FUT8: variants seen among roughly 807,000 people sequenced by gnomAD.
FUT8 encodes alpha-(1,6)-fucosyltransferase.
In FUT8, 29 loss-of-function variants were observed where a neutral mutation model predicts 71.3. The observed-to-expected ratio is 0.41, with a 90% CI of 0.30 to 0.55. The LOEUF (loss-of-function observed/expected upper bound fraction) is 0.55. FUT8 is among the 20% of genes least tolerant of loss of function. The probability of loss-of-function intolerance (pLI) is 0.34; values close to 1 mark genes in which losing one functional copy is unlikely to be tolerated. For synonymous variants in FUT8, 254 were observed against 239.3 expected, an observed-to-expected ratio of 1.06 and a Z score of -0.57; for missense variants, 544 against 702.1, an observed-to-expected ratio of 0.77 and a Z score of 2.55.
At chr14:65,452,331 G>A (rs1340370666) in intron 1 of FUT8, among the ~76,000 whole-genome samples, 2 of 152,152 alleles carry the variant, frequency 1.3e-5, no homozygotes, top group African/African-American at 2.4e-5. Flanking sequence ...TAAAGAATGG[G>A]ACGAAATAAT....
At chr14:65,524,394 GA>G (rs1394543873) in intron 2 of FUT8, among the ~76,000 whole-genome samples, 1 of 152,180 alleles carries the variant, frequency 6.6e-6, no homozygotes, top group Non-Finnish European at 1.5e-5. Context: ...TGGTGTGTAA[GA>G]ATGCTTGTGA....
intron 8 of FUT8, among the ~76,000 whole-genome samples, 163 bp from the exon 9 acceptor site, chr14:65,723,984 G>A (rs1323824608): frequency 6.6e-6 from 1 of 152,036 alleles, no homozygotes; most frequent in Non-Finnish European, 1.5e-5. Flanking sequence ...ATGTATTTTT[G>A]AGTTTTTAAA....
At chr14:65,431,903 A>G (rs74056767) in intron 1 of FUT8, among the ~76,000 whole-genome samples, 2,977 of 152,224 alleles carry the variant, frequency 0.02, 88 homozygotes, top group East Asian at 0.13. Flanking sequence ...TAATGGCTTA[A>G]ACAAAAACCT....
chr14:65,692,394 GC>G (rs1893680089), intron 7 of FUT8, among the ~76,000 whole-genome samples: 1 of 146,812 alleles, frequency 6.8e-6, no homozygotes, highest in African/African-American at 2.5e-5. Context: ...GGGGCGGCTG[GC>G]CGGGCGGGGG....
At chr14:65,658,075 A>G (rs555556532) in intron 6 of FUT8, among the ~76,000 whole-genome samples, 1 of 152,294 alleles carries the variant, frequency 6.6e-6, no homozygotes, top group South Asian at 2.1e-4. Flanking sequence ...TGTCCAACGA[A>G]GGCATGTATA....
intron 2 of FUT8, among the ~76,000 whole-genome samples, chr14:65,523,826 A>T (rs1883254304): frequency 6.6e-6 from 1 of 152,238 alleles, no homozygotes; most frequent in Non-Finnish European, 1.5e-5. Flanking sequence ...TTTATTAAAT[A>T]GGGAATCCTT....
chr14:65,461,230 A>G (rs2065964494), intron 2 of FUT8, among the ~76,000 whole-genome samples: 1 of 151,910 alleles, frequency 6.6e-6, no homozygotes, highest in African/African-American at 2.4e-5. Context: ...TGGTAGCATA[A>G]CTCCAATCTC....
chr14:65,438,186 G>A (rs777206339), intron 1 of FUT8, among the ~76,000 whole-genome samples: 1 of 152,136 alleles, frequency 6.6e-6, no homozygotes, highest in Non-Finnish European at 1.5e-5. Context: ...TGTAGCTTGA[G>A]ATTAGAGAAG....
At chr14:65,692,669 A>G (rs1893729238) in intron 7 of FUT8, among the ~76,000 whole-genome samples, 1 of 148,744 alleles carries the variant, frequency 6.7e-6, no homozygotes, top group Non-Finnish European at 1.5e-5. Flanking sequence ...CACTTCCCAG[A>G]TGGGGTGGCT....
intron 7 of FUT8, among the ~76,000 whole-genome samples, chr14:65,719,178 C>T (rs1189100012): frequency 6.6e-6 from 1 of 151,972 alleles, no homozygotes; most frequent in Admixed American, 6.6e-5. Context: ...TCTCTGTTGA[C>T]AGTGTATTTT....
At chr14:65,541,154 A>AT (rs1165295385) in intron 2 of FUT8, among the ~76,000 whole-genome samples, 1 of 152,232 alleles carries the variant, frequency 6.6e-6, no homozygotes, top group East Asian at 1.9e-4. Context: ...GTTAGAAAAC[A>AT]TTAGCTATTT....
intron 7 of FUT8, among the ~76,000 whole-genome samples, chr14:65,717,798 C>CA (rs1895202015): frequency 6.6e-6 from 1 of 152,238 alleles, no homozygotes; most frequent in African/African-American, 2.4e-5. Flanking sequence ...GGCGGCCAGG[C>CA]AGAGGCGCTC....
At chr14:65,703,482 A>G (rs950881334) in intron 7 of FUT8, among the ~76,000 whole-genome samples, 2 of 152,220 alleles carry the variant, frequency 1.3e-5, no homozygotes, top group Non-Finnish European at 2.9e-5. Context: ...CAGAAGCTAT[A>G]GATTGTAAAG....
intron 5 of FUT8, among the ~76,000 whole-genome samples, chr14:65,623,491 G>T (rs1236925182): frequency 6.6e-6 from 1 of 152,060 alleles, no homozygotes; most frequent in East Asian, 1.9e-4. Flanking sequence ...GACCGAGGAG[G>T]GTGGATCACA....
intron 9 of FUT8, among the ~76,000 whole-genome samples, chr14:65,731,687 G>T (rs1354689233): frequency 6.6e-6 from 1 of 152,088 alleles, no homozygotes; most frequent in Non-Finnish European, 1.5e-5. Context: ...TAATGGTAGG[G>T]TTTCACTGTG....
chr14:65,705,989 C>T (rs1000971222), intron 7 of FUT8, among the ~76,000 whole-genome samples: 1 of 152,088 alleles, frequency 6.6e-6, no homozygotes, highest in African/African-American at 2.4e-5. Flanking sequence ...CTATAGCTGG[C>T]TTATTGAGAA....
intron 1 of FUT8, among the ~76,000 whole-genome samples, chr14:65,424,539 C>CTTTTTTTTTTTTTT (rs796843891): frequency 8.0e-6 from 1 of 125,448 alleles, no homozygotes; most frequent in Non-Finnish European, 1.7e-5. Flanking sequence ...CTTTTCTTTT[C>CTTTTTTTTTTTTTT]TTTTTTTTTT....
intron 2 of FUT8, among the ~76,000 whole-genome samples, chr14:65,530,338 T>C (rs942024941): frequency 6.6e-6 from 1 of 152,222 alleles, no homozygotes; most frequent in African/African-American, 2.4e-5. Context: ...AGTTTTGAGC[T>C]GATTTTCAAT....
chr14:65,600,147 T>C (rs1199552128), intron 3 of FUT8, among the ~76,000 whole-genome samples: 1 of 152,226 alleles, frequency 6.6e-6, no homozygotes, highest in Non-Finnish European at 1.5e-5. Flanking sequence ...CATTTCTTTC[T>C]TTAAAGATAC....
Sources: allele counts gnomAD v4.1 joint callset (sites outside exome capture counted in the v4.1 genomes callset), GRCh38; gene constraint gnomAD v4.1.1; transcripts MANE v1.5; gene names NCBI Gene and HGNC (gene_info 2026-07-23, HGNC 2026-07-21).